The following PAQR3 variants were observed in gnomAD, a reference collection of about 807,000 sequenced individuals.
PAQR3 encodes Raf kinase trapping to Golgi.
PAQR3 carries 39 observed loss-of-function variants against 41.7 expected under a neutral mutation model. The observed-to-expected ratio is 0.93, with a 90% CI of 0.72 to 1.22. The LOEUF (loss-of-function observed/expected upper bound fraction) is 1.22, where lower values mean the gene tolerates loss of function less well. Ranked by LOEUF, PAQR3 falls within the 50% of genes most tolerant of loss-of-function variation. The pLI, the probability that PAQR3 is intolerant of heterozygous loss-of-function variation, is 0.00. For missense variants in PAQR3, 366 were observed against 385.6 expected (o/e 0.95, Z 0.42); for synonymous variants, 140 against 140.6 (o/e 1.00, Z 0.03).
chr4:78,924,371 A>C (rs536321318), intron 4 of PAQR3, among the ~76,000 whole-genome samples: 1 of 152,278 alleles, frequency 6.6e-6, no homozygotes, highest in East Asian at 1.9e-4. Flanking sequence ...CTACTATATG[A>C]AGCACTTTGT....
At chr4:78,929,482 A>G (rs1247168869) in intron 3 of PAQR3, among the ~76,000 whole-genome samples, 1 of 152,212 alleles carries the variant, frequency 6.6e-6, no homozygotes, top group Non-Finnish European at 1.5e-5. Flanking sequence ...TGGTTGGCCA[A>G]TATTTTTAGG....
intron 11 of PAQR3, among the ~76,000 whole-genome samples, chr4:78,890,408 A>G (rs573932303): frequency 0.019 from 2,931 of 150,798 alleles, 93 homozygotes; most frequent in African/African-American, 0.069. Flanking sequence ...TCATGCGCAC[A>G]CACACACACA....
rs1398976281 is a variant in PAQR3, at chr4:78,939,241, C to A, written c.-17G>T. 1 of 1,571,542 alleles carries A rather than the reference C, an allele frequency of 6.4e-7. No homozygotes were observed. The highest frequency in any genetic ancestry group is 1.2e-5 in the South Asian group (1 of 86,220). ...CTGATGCATCGTTCCCGGCCGCCGCCGCTCCCCGGCTCGGGAGCTCCCCCA... is the reference window on the plus strand; with the variant it reads ...CTGATGCATCGTTCCCGGCCGCCGCAGCTCCCCGGCTCGGGAGCTCCCCCA... On this transcript the variant is annotated 5_prime_UTR_variant, in exon 1 of 6. Transcript: ENST00000512733.
intron 3 of PAQR3, among the ~76,000 whole-genome samples, chr4:78,927,256 G>T (rs1282319354): frequency 6.6e-6 from 1 of 152,074 alleles, no homozygotes; most frequent in Non-Finnish European, 1.5e-5. Context: ...AGGAAGTTTT[G>T]AGAAAAAAGG....
At chr4:78,888,960 G>A (rs1014399483) in intron 11 of PAQR3, among the ~76,000 whole-genome samples, 3 of 152,130 alleles carry the variant, frequency 2.0e-5, no homozygotes, top group African/African-American at 4.8e-5. Context: ...GGTGGCTTGC[G>A]CCTGTAATCC....
intron 1 of PAQR3, among the ~76,000 whole-genome samples, chr4:78,936,036 G>A (rs1427189443): frequency 2.6e-5 from 4 of 152,124 alleles, no homozygotes; most frequent in Non-Finnish European, 4.4e-5. Flanking sequence ...TTGCTAGAGC[G>A]TGTACCACCC....
intron 11 of PAQR3, among the ~76,000 whole-genome samples, chr4:78,898,146 A>G (rs913340775): frequency 1.3e-5 from 2 of 152,220 alleles, no homozygotes; most frequent in Non-Finnish European, 2.9e-5. Flanking sequence ...CAGTATGTTC[A>G]GAGAATTGCA....
At chr4:78,906,119 G>A (rs1336372824) in exon 11 of PAQR3, 2 of 152,066 alleles carry the variant, frequency 1.3e-5, no homozygotes, top group Non-Finnish European at 2.9e-5. Flanking sequence ...TTGGATTGTG[G>A]TAACTTGCAG....
chr4:78,897,084 TTA>T (rs35092801), intron 11 of PAQR3, among the ~76,000 whole-genome samples: 2 of 151,630 alleles, frequency 1.3e-5, no homozygotes, highest in Admixed American at 6.6e-5. Context: ...TAGTATGATT[TTA>T]TATATATATA....
At chr4:78,888,832 G>C (rs1316107085) in intron 11 of PAQR3, among the ~76,000 whole-genome samples, 1 of 152,130 alleles carries the variant, frequency 6.6e-6, no homozygotes, top group Non-Finnish European at 1.5e-5. Flanking sequence ...CAACCCAGTA[G>C]GTACCTAATA....
chr4:78,911,442 C>T, downstream of PAQR3: 1 of 1,614,012 alleles, frequency 6.2e-7, no homozygotes, highest in Non-Finnish European at 8.5e-7. Flanking sequence ...TAACGGGGAG[C>T]CAGCAGCAAA....
Position 78,930,208 on chromosome 4 carries a change from A to T in PAQR3, c.466T>A (p.Tyr156Asn), listed in dbSNP as rs750286056. The T allele has an allele frequency of 6.2e-7, 1 of 1,613,408 alleles. No individual in the cohort carries two copies. The highest frequency in any genetic ancestry group is 8.5e-7 in the Non-Finnish European group (1 of 1,179,758). ...AGISIGILGCYVSGVFYAFYC... is the reference protein window; with the variant it reads ...AGISIGILGCNVSGVFYAFYC... ...AATGCGTAAAATACTCCTGAGACAT[A>T]GCAGCCCAGTATTCCAATAGAAATT... Residue 156 changes from tyrosine to asparagine, a missense_variant, in exon 3 of 6, where the codon TAT becomes AAT. Physicochemically the swap from Tyr to Asn is moderately radical, Grantham distance 143 (BLOSUM62 -2). Coordinates refer to ENST00000512733, the MANE Select transcript of PAQR3 (RefSeq NM_001040202.2).
At chr4:78,906,198 T>A (rs1039966910) in intron 10 of PAQR3, 5 of 152,132 alleles carry the variant, frequency 3.3e-5, no homozygotes, top group Non-Finnish European at 5.9e-5. Context: ...TGTCTTAGTA[T>A]GCTTTCAGAG....
In PAQR3 at chr4:78,930,336, TA is replaced by T. The variant is rs757623041; in HGVS notation, c.349-12del. The T allele has an allele frequency of 6.3e-7, 1 of 1,585,982 alleles. No homozygotes were observed. The highest frequency in any genetic ancestry group is 2.3e-5 in the East Asian group (1 of 44,434). On this transcript the variant is annotated splice_polypyrimidine_tract_variant and intron_variant, in intron 2 of 5. Coordinates refer to ENST00000512733, the MANE Select transcript of PAQR3 (RefSeq NM_001040202.2). ...GCAAAGCATACAGACCTGTGAAAAA[TA>T]AAAACAAATTAACAAAGTGACTAAA...
intron 11 of PAQR3, among the ~76,000 whole-genome samples, chr4:78,904,486 T>C (rs1430263889): frequency 6.6e-6 from 1 of 151,930 alleles, no homozygotes; most frequent in African/African-American, 2.4e-5. Context: ...TGAGAGACTG[T>C]TTACAAGCCA....
chr4:78,922,775 T>G (rs1735788189), intron 5 of PAQR3: 1 of 381,060 alleles, frequency 2.6e-6, no homozygotes, highest in Non-Finnish European at 5.1e-6. Context: ...GAAAAAAAAG[T>G]ATTTCCATGT....
rs916138681 is a variant in PAQR3, at chr4:78,905,035, G to A, written c.*836+1073C>T. On this transcript the variant is annotated intron_variant and NMD_transcript_variant, in intron 11 of 12. Coordinates refer to the PAQR3 transcript ENST00000342820. ...GTATAAATATGTGGAATATATGAAT[G>A]TATTCCTATTTTGATTTTTTTTCAC... Among the ~76,000 whole-genome samples, 5 of 151,652 alleles carry A rather than the reference G, an allele frequency of 3.3e-5. No homozygotes were observed. In the East Asian group the frequency reaches 5.8e-4, roughly 18 times the overall value.
chr4:78,920,707 A>T, intron 5 of PAQR3, 26 bp from the exon 6 acceptor site: 1 of 1,590,930 alleles, frequency 6.3e-7, no homozygotes. Flanking sequence ...AAAGAAAATG[A>T]TAATGATTTC....
In PAQR3 at chr4:78,935,197, A is replaced by G; in HGVS notation, c.272T>C (p.Met91Thr). 12 of 1,613,592 alleles carry G rather than the reference A, an allele frequency of 7.4e-6. No individual in the cohort carries two copies. The highest frequency in any genetic ancestry group is 1.0e-5 in the Non-Finnish European group (12 of 1,179,502). ...FLFFTLGIYDMTSVLPSASAS... is the reference protein window; with the variant it reads ...FLFFTLGIYDTTSVLPSASAS... ...ACTTGCTGAAGGTAACACAGATGTCATGTCATATATTCCCAGGGTGAAGAA... is the reference window on the plus strand; with the variant it reads ...ACTTGCTGAAGGTAACACAGATGTCGTGTCATATATTCCCAGGGTGAAGAA... Residue 91 changes from methionine to threonine, a missense_variant, in exon 2 of 6, where the codon ATG becomes ACG. Coordinates refer to ENST00000512733, the MANE Select transcript of PAQR3 (RefSeq NM_001040202.2).
Sources: gnomAD v4.1 joint callset for allele counts (sites outside exome capture counted in the v4.1 genomes callset) on GRCh38, gnomAD v4.1.1 for gene constraint, MANE v1.5 for transcripts, NCBI Gene and HGNC (gene_info 2026-07-23, HGNC 2026-07-21) for gene names.